The following CTNNA2 variants were observed in gnomAD, a reference collection of about 807,000 sequenced individuals.
The protein encoded by CTNNA2 is catenin alpha 2.
Under a neutral mutation model 101.0 loss-of-function variants are expected in CTNNA2, and 42 were observed. The ratio of observed to expected loss-of-function variants is 0.42; its 90% CI spans 0.32 to 0.54. The LOEUF is 0.54. CTNNA2 is among the 20% of genes least tolerant of loss of function. The probability of loss-of-function intolerance (pLI) is 0.14; values close to 1 mark genes in which losing one functional copy is unlikely to be tolerated. For synonymous variants in CTNNA2, 450 were observed against 456.4 expected (o/e 0.99, Z 0.18); for missense variants, 871 against 1,223.1 (o/e 0.71, Z 4.29).
At chr2:80,287,740 A>G (rs1277429193) in intron 7 of CTNNA2, among the ~76,000 whole-genome samples, 4 of 152,110 alleles carry the variant, frequency 2.6e-5, no homozygotes, top group Non-Finnish European at 4.4e-5. Flanking sequence ...ATTGAAGTCT[A>G]TTTTATTCCA....
intron 7 of CTNNA2, among the ~76,000 whole-genome samples, chr2:80,112,048 T>C (rs1287869926): frequency 2.0e-5 from 3 of 152,238 alleles, no homozygotes; most frequent in Admixed American, 6.5e-5. Flanking sequence ...TGAGGGTAGA[T>C]ACAATATAAA....
chr2:79,353,490 AC>A, intron 3 of CTNNA2, among the ~76,000 whole-genome samples: 1 of 151,080 alleles, frequency 6.6e-6, no homozygotes, highest in African/African-American at 2.4e-5. Flanking sequence ...AATAGCAACA[AC>A]CCCTCTTTTT....
chr2:80,244,526 G>A (rs1192534434), intron 7 of CTNNA2, among the ~76,000 whole-genome samples: 1 of 152,194 alleles, frequency 6.6e-6, no homozygotes. Flanking sequence ...GGCACGTGAA[G>A]TAACTTAGAC....
chr2:80,635,334 C>T (rs913420549), intron 18 of CTNNA2, among the ~76,000 whole-genome samples: 5 of 152,050 alleles, frequency 3.3e-5, no homozygotes, highest in Admixed American at 6.6e-5. Flanking sequence ...TTATTAAAAA[C>T]CCATGGATCG....
intron 5 of CTNNA2, 69 bp from the exon 6 acceptor site, chr2:79,874,007 C>T (rs1558600962): frequency 6.4e-7 from 1 of 1,574,214 alleles, no homozygotes. Flanking sequence ...TCTGTGACTC[C>T]AAACTGTGTT....
chr2:79,211,519 G>A (rs1004081001), intron 2 of CTNNA2, among the ~76,000 whole-genome samples: 2 of 152,150 alleles, frequency 1.3e-5, no homozygotes, highest in Admixed American at 1.3e-4. Flanking sequence ...GTCAAAGGGG[G>A]GTTGTTCTCT....
intron 7 of CTNNA2, among the ~76,000 whole-genome samples, chr2:79,989,478 CAA>C (rs369401165): frequency 6.6e-6 from 1 of 151,230 alleles, no homozygotes; most frequent in South Asian, 2.1e-4. Context: ...AACAAACAAA[CAA>C]AAAAATTATC....
intron 4 of CTNNA2, among the ~76,000 whole-genome samples, chr2:79,468,443 C>T (rs933670686): frequency 6.6e-6 from 1 of 152,086 alleles, no homozygotes; most frequent in Non-Finnish European, 1.5e-5. Flanking sequence ...GACTTTAACA[C>T]CCCACTGTCA....
chr2:79,303,061 G>T (rs1676150089), intron 2 of CTNNA2, among the ~76,000 whole-genome samples: 1 of 152,166 alleles, frequency 6.6e-6, no homozygotes, highest in Admixed American at 6.5e-5. Context: ...ATGCTATGCT[G>T]ATTTTTGACT....
In CTNNA2 at chr2:80,648,547, T is replaced by G. The variant is rs559482862; in HGVS notation, c.*675T>G. ...ATCTATTTGAGACAATTAAAATCCT[T>G]CTGGGGGCACTGGAAGCACAATACG... On this transcript the variant is annotated 3_prime_UTR_variant, in exon 19 of 19. Transcript: ENST00000402739. 3 of 152,684 alleles carry G rather than the reference T, an allele frequency of 2.0e-5. No individual in the cohort carries two copies. The highest frequency in any genetic ancestry group is 3.4e-3 in the Middle Eastern group (1 of 294). The allele number at this position is 152,684 out of a possible 1,614,324, so 9.5% of individuals were successfully genotyped here. A position where few individuals can be genotyped will look rare whatever the true frequency, so the allele number is the denominator to read the frequency against.
Position 80,608,332 on chromosome 2 carries a change from G to A in CTNNA2, c.2430+14G>A, listed in dbSNP as rs1218862398. 2.5e-6 allele frequency: 4 copies of A among 1,602,766 alleles called. No homozygotes were observed. The highest frequency in any genetic ancestry group is 3.4e-6 in the Non-Finnish European group (4 of 1,171,938). On this transcript the variant is annotated intron_variant, in intron 17 of 18. Transcript: ENST00000402739. The stretch of plus-strand genomic sequence containing the variant: ...ATTGTGTCAGGGGTAAGCTGGACTT[G>A]GGCTTCACAATGTAAAGTTCCCACC...
chr2:79,760,271 G>A (rs1030296858), intron 3 of CTNNA2, among the ~76,000 whole-genome samples: 13 of 144,824 alleles, frequency 9.0e-5, no homozygotes, highest in Non-Finnish European at 3.0e-5. Flanking sequence ...AATTATATAT[G>A]TATATTACAT....
intron 2 of CTNNA2, among the ~76,000 whole-genome samples, chr2:79,263,543 T>C (rs145735657): frequency 6.6e-6 from 1 of 152,240 alleles, no homozygotes; most frequent in Middle Eastern, 3.4e-3. Flanking sequence ...TCTTTATAAA[T>C]CACCCAGCCT....
intron 1 of CTNNA2, among the ~76,000 whole-genome samples, chr2:79,196,305 G>C (rs999125970): frequency 3.9e-5 from 6 of 152,080 alleles, no homozygotes; most frequent in Non-Finnish European, 8.8e-5. Flanking sequence ...GTTAGAATTA[G>C]TGGTGCTCAA....
At chr2:80,054,896 T>C (rs1254835427) in intron 7 of CTNNA2, among the ~76,000 whole-genome samples, 1 of 152,166 alleles carries the variant, frequency 6.6e-6, no homozygotes, top group Non-Finnish European at 1.5e-5. Context: ...GTTTTTAGTT[T>C]CCCATCTTAA....
At chr2:80,150,220 ACTCT>A (rs1014936555) in intron 7 of CTNNA2, among the ~76,000 whole-genome samples, 2 of 151,720 alleles carry the variant, frequency 1.3e-5, no homozygotes, top group East Asian at 1.9e-4. Flanking sequence ...GTGAGCCCAG[ACTCT>A]CTCTCTGTCT....
chr2:80,017,253 C>T (rs1694215243), intron 7 of CTNNA2, among the ~76,000 whole-genome samples: 2 of 151,952 alleles, frequency 1.3e-5, no homozygotes, highest in Non-Finnish European at 2.9e-5. Context: ...AAAATAATAC[C>T]TGGCACTATT....
chr2:80,569,015 G>T (rs1182179513), intron 12 of CTNNA2, among the ~76,000 whole-genome samples: 2 of 152,092 alleles, frequency 1.3e-5, no homozygotes, highest in Admixed American at 6.5e-5. Flanking sequence ...TATACCTGAG[G>T]GTAGCGAGGT....
chr2:80,479,147 A>G (rs1159006211), intron 9 of CTNNA2, among the ~76,000 whole-genome samples: 1 of 151,868 alleles, frequency 6.6e-6, no homozygotes, highest in Non-Finnish European at 1.5e-5. Flanking sequence ...TTAAATTTTT[A>G]TTTATTAACA....
Sources: gnomAD v4.1 joint callset for allele counts (sites outside exome capture counted in the v4.1 genomes callset) on GRCh38, gnomAD v4.1.1 for gene constraint, MANE v1.5 for transcripts, NCBI Gene and HGNC (gene_info 2026-07-23, HGNC 2026-07-21) for gene names.